GABRB3: variants seen among roughly 807,000 people sequenced by gnomAD.
GABRB3 encodes gamma-aminobutyric acid receptor subunit beta-3.
In GABRB3, 14 loss-of-function variants were observed where a neutral mutation model predicts 52.1. The observed-to-expected ratio is 0.27, with a 90% confidence interval of 0.18 to 0.42. The LOEUF is 0.42. Among genes scored for constraint, GABRB3 ranks in the 10% least tolerant of loss-of-function variants. The probability of loss-of-function intolerance (pLI) is 1.00; values close to 1 mark genes in which losing one functional copy is unlikely to be tolerated. For synonymous variants in GABRB3, 260 were observed against 232.3 expected (o/e 1.12, Z -1.08); for missense variants, 307 against 609.1 (o/e 0.50, Z 5.22).
chr15:26,608,770 G>A lies in GABRB3; in HGVS notation c.461+12544C>T, dbSNP rs190007080. 4.9e-3 allele frequency among the ~76,000 whole-genome samples: 740 copies of A among 152,236 alleles called. 7 individuals carry two copies. The highest frequency in any genetic ancestry group is 0.017 in the African/African-American group (715 of 41,556). ...ATGAGATAACATCTAATACCTGTCA[G>A]AATGACTAGTATCAAAAAGATGAAA... On this transcript the variant is annotated intron_variant, in intron 4 of 8. Coordinates refer to ENST00000311550, the MANE Select transcript of GABRB3 (RefSeq NM_000814.6).
chr15:26,683,361 C>T (rs1234603988), intron 3 of GABRB3, among the ~76,000 whole-genome samples: 2 of 152,122 alleles, frequency 1.3e-5, no homozygotes, highest in Non-Finnish European at 2.9e-5. Flanking sequence ...TTTCAGAGCT[C>T]CCCCATCGCT....
rs1381300217 is a variant in GABRB3 at position 26,558,344 on chromosome 15, C to A, written c.1080+2588G>T. Reference sequence around the variant, plus strand: ...TTCACTTAATGTGCTTCCATGGGTTCATGAATGTTCGTGGGCCTCTGCCAG... The same window carrying A: ...TTCACTTAATGTGCTTCCATGGGTTAATGAATGTTCGTGGGCCTCTGCCAG... On this transcript the variant is annotated intron_variant, in intron 8 of 8. Coordinates refer to ENST00000311550, the MANE Select transcript of GABRB3 (RefSeq NM_000814.6). Among the ~76,000 whole-genome samples, 6 of 152,300 alleles carry A rather than the reference C, an allele frequency of 3.9e-5. No homozygotes were observed. In the South Asian group the frequency reaches 1.2e-3, roughly 32 times the overall value.
At chr15:26,766,419 G>A (rs1473056452) in intron 3 of GABRB3, among the ~76,000 whole-genome samples, 1 of 151,976 alleles carries the variant, frequency 6.6e-6, no homozygotes, top group African/African-American at 2.4e-5. Context: ...TGACACCCTA[G>A]GAGAACTCTA....
At chr15:26,617,667 C>G (rs897471998) in intron 4 of GABRB3, among the ~76,000 whole-genome samples, 1 of 151,472 alleles carries the variant, frequency 6.6e-6, no homozygotes, top group African/African-American at 2.4e-5. Context: ...CTGGCCAGGG[C>G]AATTAGGCAG....
At chr15:26,668,100 A>G (rs894780028) in intron 3 of GABRB3, among the ~76,000 whole-genome samples, 3 of 152,190 alleles carry the variant, frequency 2.0e-5, no homozygotes, top group African/African-American at 7.2e-5. Context: ...CAGCTTTGCT[A>G]CTTCCTTATA....
chr15:26,700,794 G>A (rs1888904761), intron 3 of GABRB3, among the ~76,000 whole-genome samples: 1 of 152,190 alleles, frequency 6.6e-6, no homozygotes, highest in South Asian at 2.1e-4. Flanking sequence ...AGTGGCTCAC[G>A]CCTGTAATCC....
At position 26,547,375 on chromosome 15, in the gene GABRB3, C is replaced by G. The variant is rs988744213; in HGVS notation, c.*418G>C. On this transcript the variant is annotated 3_prime_UTR_variant, in exon 9 of 9. Transcript: ENST00000311550. ...CTGATTTTTAAACTAAAACATCTAA[C>G]TTATGATAATACAAGACACATTTGG... 7.3e-6 allele frequency: 3 copies of G among 413,414 alleles called. No homozygotes were observed. In the Admixed American group the frequency reaches 1.2e-4, roughly 16 times the overall value. The allele number at this position is 413,414 out of a possible 1,614,324, so 25.6% of individuals were successfully genotyped here.
rs1338783707 is a variant in GABRB3, at chr15:26,546,868, G to C, written c.*925C>G. On this transcript the variant is annotated 3_prime_UTR_variant, in exon 9 of 9. Coordinates refer to ENST00000311550, the MANE Select transcript of GABRB3 (RefSeq NM_000814.6). ...AATCATCCTAGATGGTTTTACCTTAGAGTAACGAATAACCTGAGACGTCTA... is the reference window on the plus strand; with the variant it reads ...AATCATCCTAGATGGTTTTACCTTACAGTAACGAATAACCTGAGACGTCTA... The C allele has an allele frequency of 6.6e-6, 1 of 151,526 alleles. No individual in the cohort carries two copies. Among genetic ancestry groups the C allele is most frequent in the Non-Finnish European group, 1.5e-5 (1 of 67,926 alleles). The allele number at this position is 151,526 out of a possible 1,614,324, so 9.4% of individuals were successfully genotyped here.
chr15:26,701,773 A>C (rs1888943112), intron 3 of GABRB3, among the ~76,000 whole-genome samples: 1 of 152,242 alleles, frequency 6.6e-6, no homozygotes, highest in Admixed American at 6.5e-5. Flanking sequence ...TAGCATAGCC[A>C]AAACAACATT....
chr15:26,648,616 A>G (rs1887090251), intron 3 of GABRB3, among the ~76,000 whole-genome samples: 1 of 152,234 alleles, frequency 6.6e-6, no homozygotes, highest in East Asian at 1.9e-4. Flanking sequence ...TGGGAATCCC[A>G]GGTAGCCAAG....
chr15:26,640,352 C>G (rs554674444), intron 3 of GABRB3, among the ~76,000 whole-genome samples: 8 of 152,070 alleles, frequency 5.3e-5, no homozygotes, highest in Admixed American at 5.2e-4. Flanking sequence ...CCCATCTATA[C>G]TAAAAATACA....
At chr15:26,665,530 T>C (rs1443795514) in intron 3 of GABRB3, among the ~76,000 whole-genome samples, 1 of 152,234 alleles carries the variant, frequency 6.6e-6, no homozygotes, top group African/African-American at 2.4e-5. Context: ...TTTTGATATT[T>C]ACCCTCTGGT....
chr15:26,565,618 T>C lies in GABRB3; in HGVS notation c.835+1963A>G, dbSNP rs527915920. Among the ~76,000 whole-genome samples, 32 of 152,276 alleles carry C rather than the reference T, an allele frequency of 2.1e-4. 1 individual carries two copies. Among genetic ancestry groups the C allele is most frequent in the Middle Eastern group, 6.8e-3 (2 of 294 alleles). On this transcript the variant is annotated intron_variant, in intron 7 of 8. Coordinates refer to ENST00000311550, the MANE Select transcript of GABRB3 (RefSeq NM_000814.6). The stretch of plus-strand genomic sequence containing the variant: ...TCTACTTTCATATAACTTAATGAAA[T>C]TGGGTTGAATGTAACTCACTTCCGG...
chr15:26,719,969 C>T (rs1036028553), intron 3 of GABRB3, among the ~76,000 whole-genome samples: 1 of 152,162 alleles, frequency 6.6e-6, no homozygotes, highest in African/African-American at 2.4e-5. Flanking sequence ...ACTGAAGAAT[C>T]ACAAAAGAAG....
intron 3 of GABRB3, among the ~76,000 whole-genome samples, chr15:26,766,662 TGTTGGAGTCAAAGACAGACACCA>T (rs1469721462): frequency 6.6e-6 from 1 of 152,214 alleles, no homozygotes; most frequent in East Asian, 1.9e-4. Flanking sequence ...AAAAACCAAA[TGTTGGAGTCAAAGACAGACACCA>T]GTCCTAATTT....
At chr15:26,583,535 C>T (rs1201336189) in intron 4 of GABRB3, 121 bp from the exon 5 acceptor site, 2 of 741,552 alleles carry the variant, frequency 2.7e-6, no homozygotes, top group Non-Finnish European at 4.9e-6. Flanking sequence ...CCTGGCTAAA[C>T]ATCATTCACT....
At position 26,714,361 on chromosome 15, in the gene GABRB3, C is replaced by G. The variant is rs150758104; in HGVS notation, c.240+58041G>C. 4.7e-4 allele frequency among the ~76,000 whole-genome samples: 71 copies of G among 152,316 alleles called. 1 individual carries two copies. The East Asian group carries it at 0.013, about 29-fold the overall frequency. On this transcript the variant is annotated intron_variant, in intron 3 of 8. Coordinates refer to ENST00000311550, the MANE Select transcript of GABRB3 (RefSeq NM_000814.6). The stretch of plus-strand genomic sequence containing the variant: ...AAAGTTTATTTTGCCAGGGTTGAGG[C>G]TGCAAGTCCGTGACACAGCCTCAGG...
intron 3 of GABRB3, among the ~76,000 whole-genome samples, chr15:26,689,283 C>A (rs981108443): frequency 6.6e-6 from 1 of 152,170 alleles, no homozygotes; most frequent in Non-Finnish European, 1.5e-5. Flanking sequence ...CTCAATCACA[C>A]CTGTCACCTG....
intron 3 of GABRB3, among the ~76,000 whole-genome samples, chr15:26,655,328 T>C (rs1663506478): frequency 6.6e-6 from 1 of 152,224 alleles, no homozygotes. Context: ...CCCTTTTAAC[T>C]GTTGTAAATA....
Sources: allele counts gnomAD v4.1 joint callset (sites outside exome capture counted in the v4.1 genomes callset), GRCh38; gene constraint gnomAD v4.1.1; transcripts MANE v1.5; gene names NCBI Gene and HGNC (gene_info 2026-07-23, HGNC 2026-07-21).